The following PDILT variants were observed in gnomAD, a reference collection of about 807,000 sequenced individuals.
The protein encoded by PDILT is protein disulfide isomerase like, testis expressed, also known as protein disulfide-isomerase-like protein of the testis.
Under a neutral mutation model 53.7 loss-of-function variants are expected in PDILT, and 43 were observed. The ratio of observed to expected loss-of-function variants is 0.80; its 90% CI spans 0.63 to 1.03. The LOEUF (loss-of-function observed/expected upper bound fraction) is 1.03, where lower values mean the gene tolerates loss of function less well. Ranked by LOEUF, PDILT falls within the 50% of genes least tolerant of loss-of-function variation. PDILT has a pLI of 0.00. For missense variants in PDILT, 727 were observed against 712.3 expected (o/e 1.02, Z -0.24); for synonymous variants, 282 against 274.2 (o/e 1.03, Z -0.28).
chr16:20,367,516 G>C (rs1160723537), intron 8 of PDILT, among the ~76,000 whole-genome samples: 2 of 152,194 alleles, frequency 1.3e-5, no homozygotes, highest in Non-Finnish European at 2.9e-5. Context: ...CATAGATCTT[G>C]TAGAGGATGC....
chr16:20,401,362 C>T (rs985181495), intron 1 of PDILT, among the ~76,000 whole-genome samples: 1 of 152,156 alleles, frequency 6.6e-6, no homozygotes. Context: ...GTGAGAGAAA[C>T]GGCTGCCTAA....
At chr16:20,381,706 C>T (rs1966464409) in intron 3 of PDILT, among the ~76,000 whole-genome samples, 1 of 150,996 alleles carries the variant, frequency 6.6e-6, no homozygotes, top group African/African-American at 2.4e-5. Flanking sequence ...CCCATGGTTA[C>T]TGCTCATCCT....
At chr16:20,400,072 A>ATTTTTTTTTT (rs55815809) in intron 1 of PDILT, among the ~76,000 whole-genome samples, 4 of 137,490 alleles carry the variant, frequency 2.9e-5, no homozygotes, top group African/African-American at 1.1e-4. Context: ...ATATATATAT[A>ATTTTTTTTTT]TTTTTTGAGA....
intron 3 of PDILT, 146 bp from the exon 4 acceptor site, chr16:20,376,347 C>G: frequency 2.3e-6 from 2 of 879,504 alleles, no homozygotes; most frequent in South Asian, 3.6e-5. Context: ...CTCCATTCCC[C>G]TCTTCCCCAA....
chr16:20,388,203 G>A (rs868071116), intron 2 of PDILT, among the ~76,000 whole-genome samples: 8 of 152,272 alleles, frequency 5.3e-5, no homozygotes, highest in Middle Eastern at 6.8e-3. Context: ...GATATTGATG[G>A]CGATGTTGAT....
At chr16:20,361,124 A>G (rs1966093972) in intron 10 of PDILT, among the ~76,000 whole-genome samples, 3 of 152,002 alleles carry the variant, frequency 2.0e-5, no homozygotes. Context: ...AATAAGAGGA[A>G]GAATAGTTCT....
At chr16:20,403,579 C>T (rs1316796758) in intron 1 of PDILT, among the ~76,000 whole-genome samples, 2 of 152,192 alleles carry the variant, frequency 1.3e-5, no homozygotes, top group Non-Finnish European at 2.9e-5. Flanking sequence ...CGTGAGCCAC[C>T]GTGCCCAGCA....
In PDILT at chr16:20,373,069, T is replaced by C; in HGVS notation, c.735A>G (p.Glu245=). 1 of 1,614,104 alleles carries C rather than the reference T, an allele frequency of 6.2e-7. No individual in the cohort carries two copies. Among genetic ancestry groups the C allele is most frequent in the Non-Finnish European group, 8.5e-7 (1 of 1,179,990 alleles). The change falls in exon 6 of 12, where the codon GAA becomes GAG. Residue 245 remains glutamate, a synonymous_variant. Transcript: ENST00000302451. ...KLINDSTNKQ[E]LNRVIKQHLT... ...GGTGCTGTTTTATGACACGATTGAGTTCCTGTTTGTTGGTACTGTCATTAA... is the reference window on the plus strand; with the variant it reads ...GGTGCTGTTTTATGACACGATTGAGCTCCTGTTTGTTGGTACTGTCATTAA...
At chr16:20,369,719 C>A in intron 7 of PDILT, 30 bp from the exon 8 acceptor site, 1 of 1,611,080 alleles carries the variant, frequency 6.2e-7, no homozygotes, top group Non-Finnish European at 8.5e-7. Context: ...CCTTGTCTCT[C>A]TGGATCCTTT....
At chr16:20,391,670 G>T (rs1966608050) in intron 2 of PDILT, among the ~76,000 whole-genome samples, 1 of 152,092 alleles carries the variant, frequency 6.6e-6, no homozygotes, top group African/African-American at 2.4e-5. Context: ...AATGCTGAAT[G>T]TTAGGAATCA....
intron 2 of PDILT, among the ~76,000 whole-genome samples, chr16:20,394,597 G>A (rs894786583): frequency 6.6e-6 from 1 of 152,232 alleles, no homozygotes; most frequent in African/African-American, 2.4e-5. Context: ...TGAGAATCTT[G>A]TTAAAATGCA....
In PDILT at chr16:20,367,068, T is replaced by C. The variant is rs545090558; in HGVS notation, c.1117-1528A>G. On this transcript the variant is annotated intron_variant, in intron 8 of 11. Coordinates refer to ENST00000302451, the MANE Select transcript of PDILT (RefSeq NM_174924.2). ...CTTTCTTTCTTTCTTTCTTTCTTTC[T>C]TTCTTTCTTTCTTTCTTTCTTTCTT... Among the ~76,000 whole-genome samples, 8 of 132,288 alleles carry C rather than the reference T, an allele frequency of 6.0e-5. 1 individual carries two copies. The highest frequency in any genetic ancestry group is 2.4e-4 in the African/African-American group (8 of 33,002). The allele number at this position is 132,288 out of a possible 152,430, so 86.8% of individuals were successfully genotyped here. A position where few individuals can be genotyped will look rare whatever the true frequency, so the allele number is the denominator to read the frequency against.
chr16:20,363,429 C>T (rs1327263410), intron 9 of PDILT, among the ~76,000 whole-genome samples: 2 of 151,800 alleles, frequency 1.3e-5, no homozygotes, highest in Non-Finnish European at 2.9e-5. Context: ...CGCTAGATGA[C>T]TTTAATGTTC....
chr16:20,366,150 A>C (rs1179349489), intron 8 of PDILT, among the ~76,000 whole-genome samples: 4 of 152,000 alleles, frequency 2.6e-5, no homozygotes, highest in African/African-American at 9.7e-5. Flanking sequence ...CAAGATCAAG[A>C]CCATTTGCAT....
chr16:20,367,800 A>T (rs1157436992), intron 8 of PDILT, among the ~76,000 whole-genome samples: 1 of 152,182 alleles, frequency 6.6e-6, no homozygotes, highest in African/African-American at 2.4e-5. Context: ...TATGGATGCC[A>T]GGACACTTTT....
intron 8 of PDILT, among the ~76,000 whole-genome samples, chr16:20,367,027 CTTTCTTTCTTTCTTTCTTTCT>C: frequency 1.6e-4 from 1 of 6,224 alleles, no homozygotes; most frequent in South Asian, 2.2e-3. Context: ...TCTCTTTCTT[CTTTCTTTCTTTCTTTCTTTCT>C]TTCTTTCTTT....
intron 3 of PDILT, among the ~76,000 whole-genome samples, chr16:20,380,218 A>G (rs1422428212): frequency 1.3e-5 from 2 of 152,004 alleles, no homozygotes; most frequent in Non-Finnish European, 2.9e-5. Context: ...CCCTTTCCTC[A>G]GCTCTTCAAG....
chr16:20,373,962 C>G (rs1022482148), intron 5 of PDILT, among the ~76,000 whole-genome samples: 38 of 151,890 alleles, frequency 2.5e-4, no homozygotes, highest in African/African-American at 8.5e-4. Flanking sequence ...TATTGTATTT[C>G]TTTTTGAGAC....
intron 8 of PDILT, among the ~76,000 whole-genome samples, chr16:20,368,441 T>C (rs1332510179): frequency 1.3e-5 from 2 of 152,046 alleles, no homozygotes; most frequent in African/African-American, 2.4e-5. Flanking sequence ...GCTCAGCCCA[T>C]GAAAATGCTG....
Sources: gnomAD v4.1 joint callset for allele counts (sites outside exome capture counted in the v4.1 genomes callset) on GRCh38, gnomAD v4.1.1 for gene constraint, MANE v1.5 for transcripts, NCBI Gene and HGNC (gene_info 2026-07-23, HGNC 2026-07-21) for gene names.